The following DNAH2 variants were observed in gnomAD, a reference collection of about 807,000 sequenced individuals.
DNAH2 encodes the protein dynein axonemal heavy chain 2, also known as axonemal beta dynein heavy chain 2.
Under a neutral mutation model 523.5 loss-of-function variants are expected in DNAH2, and 323 were observed. The observed-to-expected ratio is 0.62, with a 90% CI of 0.56 to 0.68. The LOEUF is 0.68. DNAH2 is among the 30% of genes least tolerant of loss of function. The probability of loss-of-function intolerance (pLI) is 0.00; values close to 1 mark genes in which losing one functional copy is unlikely to be tolerated. For missense variants in DNAH2, 4,907 were observed against 5,701.5 expected, an observed-to-expected ratio of 0.86 and a Z score of 4.49; for synonymous variants, 2,093 against 2,177.4, an observed-to-expected ratio of 0.96 and a Z score of 1.08.
In DNAH2 at chr17:7,776,153, A is replaced by C. The variant is rs1245211255; in HGVS notation, c.4947+4A>C. On this transcript the variant is annotated splice_donor_region_variant and intron_variant, in intron 31 of 85. Transcript: ENST00000572933. ...GGTGAAGGAGTGGGCTGGCCAGGTG[A>C]GCTGGGGTCAACAGAAGTGAGGGAA... 6.2e-6 allele frequency: 10 copies of C among 1,612,944 alleles called. No homozygotes were observed. The highest frequency in any genetic ancestry group is 8.5e-6 in the Non-Finnish European group (10 of 1,179,500).
At position 7,794,316 on chromosome 17, in the gene DNAH2, G is replaced by T; in HGVS notation, c.7632G>T (p.Arg2544Ser). The T allele has an allele frequency of 1.2e-6, 2 of 1,610,400 alleles. No homozygotes were observed. The highest frequency in any genetic ancestry group is 1.7e-6 in the Non-Finnish European group (2 of 1,178,506). Reference sequence around the variant, plus strand: ...GTGGACGGACTGTCATCTCCCCAAGGCTACGGAGTCGCTTCAACATTATCA... The same window carrying T: ...GTGGACGGACTGTCATCTCCCCAAGTCTACGGAGTCGCTTCAACATTATCA... Reference protein sequence around the residue: ...PGGGRTVISPRLRSRFNIINM... With the variant: ...PGGGRTVISPSLRSRFNIINM... Residue 2544 changes from arginine to serine, a missense_variant, in exon 49 of 86, where the codon AGG becomes AGT. Around this residue, in one of 3 missense-constraint regions of DNAH2, gnomAD observed 250 missense variants for 371.3 expected, o/e 0.67. Transcript: ENST00000572933.
intron 12 of DNAH2, among the ~76,000 whole-genome samples, chr17:7,748,345 C>G (rs926085416): frequency 6.6e-6 from 1 of 152,114 alleles, no homozygotes; most frequent in African/African-American, 2.4e-5. Flanking sequence ...CTTTTTTCCC[C>G]GGTCACAGAG....
In DNAH2 at chr17:7,764,236, C is replaced by T. The variant is rs146533727; in HGVS notation, c.3299C>T (p.Ala1100Val). Reference protein sequence around the residue: ...TQIPPIHEQFAILEKYEVPVE... With the variant: ...TQIPPIHEQFVILEKYEVPVE... ...ATCCCTCCCATACACGAGCAATTTG[C>T]CATTCTTGAAAAGTACGAGGTGCCA... is the stretch of plus-strand genomic sequence containing the variant. Residue 1100 changes from alanine (A) to valine (V), a missense_variant, in exon 20 of 86, where the codon GCC (alanine) becomes GTC (valine). Ala to Val is a moderately conservative substitution (Grantham distance 64). Coordinates refer to ENST00000572933, the MANE Select transcript of DNAH2 (RefSeq NM_020877.5). 2.2e-3 allele frequency: 3,490 copies of T among 1,613,172 alleles called. 12 individuals carry two copies. Among genetic ancestry groups the T allele is most frequent in the Middle Eastern group, 2.8e-3 (17 of 6,052 alleles).
Position 7,817,888 on chromosome 17 carries a change from C to CT in DNAH2, c.10236+32_10236+33insT, listed in dbSNP as rs1355374673. 5.6e-6 allele frequency: 9 copies of CT among 1,613,910 alleles called. No homozygotes were observed. In the African/African-American group the frequency reaches 1.1e-4, roughly 19 times the overall value. On this transcript the variant is annotated intron_variant, in intron 67 of 85. Transcript: ENST00000572933. ...GGCTGGGGGGTCAGGTTAGCCCCCC[C>CT]CTTCCTGAGGCCCCACCTCTCCCGT...
At chr17:7,733,479 T>C (rs1439715416) in intron 5 of DNAH2, among the ~76,000 whole-genome samples, 164 bp downstream of exon 5, 3 of 145,412 alleles carry the variant, frequency 2.1e-5, no homozygotes, top group African/African-American at 7.6e-5. Flanking sequence ...CTTCTTCTTT[T>C]TTTTTTTTTT....
chr17:7,812,548 G>A (rs2077544782), intron 63 of DNAH2, among the ~76,000 whole-genome samples: 1 of 151,956 alleles, frequency 6.6e-6, no homozygotes, highest in African/African-American at 2.4e-5. Context: ...AGCCCAGAAG[G>A]TTGAGGGTGC....
chr17:7,819,181 C>A (rs768924986), intron 71 of DNAH2, 28 bp from the exon 72 acceptor site: 120 of 1,611,352 alleles, frequency 7.4e-5, no homozygotes, highest in Non-Finnish European at 9.9e-5. Context: ...CCCTCAGTGG[C>A]CCTGACTCCA....
intron 63 of DNAH2, among the ~76,000 whole-genome samples, chr17:7,809,465 C>A (rs1034736013): frequency 6.6e-6 from 1 of 152,168 alleles, no homozygotes; most frequent in East Asian, 1.9e-4. Flanking sequence ...TGCTCCTCCA[C>A]GGCTCCGTCC....
At chr17:7,727,391 C>T (rs751274968) in intron 4 of DNAH2, 99 bp downstream of exon 4, 58 of 1,462,146 alleles carry the variant, frequency 4.0e-5, no homozygotes, top group African/African-American at 5.9e-5. Context: ...CCTGTGCCCA[C>T]GGCCTATTGA....
chr17:7,782,753 G>A (rs1217873276), intron 39 of DNAH2, among the ~76,000 whole-genome samples: 1 of 152,002 alleles, frequency 6.6e-6, no homozygotes, highest in Non-Finnish European at 1.5e-5. Context: ...ATCACTTTAG[G>A]CTAGGAGTTC....
In DNAH2 at chr17:7,771,505, G is replaced by A. The variant is rs76591000; in HGVS notation, c.4501+37G>A. On this transcript the variant is annotated intron_variant, in intron 28 of 85. Coordinates refer to ENST00000572933, the MANE Select transcript of DNAH2 (RefSeq NM_020877.5). ...AGGGCTCCTGCCCTGACACAGCCTCGGCAGGCACTCTGCTTGGTCATGGTT... is the reference window on the plus strand; with the variant it reads ...AGGGCTCCTGCCCTGACACAGCCTCAGCAGGCACTCTGCTTGGTCATGGTT... The A allele has an allele frequency of 6.1e-4, 984 of 1,610,808 alleles. 11 individuals are homozygous for A. The East Asian group carries it at 0.016, about 26-fold the overall frequency.
chr17:7,808,998 A>G (rs941965888), intron 63 of DNAH2, among the ~76,000 whole-genome samples: 2 of 152,194 alleles, frequency 1.3e-5, no homozygotes, highest in African/African-American at 4.8e-5. Context: ...CCACTGCATG[A>G]TATTCCAGTG....
At chr17:7,723,155 A>G (rs1448135988) in intron 2 of DNAH2, among the ~76,000 whole-genome samples, 1 of 149,646 alleles carries the variant, frequency 6.7e-6, no homozygotes, top group Non-Finnish European at 1.5e-5. Context: ...ATTTTTTAGT[A>G]GAGACGGGGT....
intron 63 of DNAH2, among the ~76,000 whole-genome samples, chr17:7,811,103 AT>A (rs924700181): frequency 1.9e-4 from 29 of 152,240 alleles, no homozygotes; most frequent in African/African-American, 6.5e-4. Flanking sequence ...TTATGTCTTA[AT>A]CTACTTTAGG....
At chr17:7,816,137 C>A (rs2077658847) in intron 63 of DNAH2, among the ~76,000 whole-genome samples, 1 of 152,146 alleles carries the variant, frequency 6.6e-6, no homozygotes, top group Non-Finnish European at 1.5e-5. Context: ...TCTAACAGCT[C>A]TTGGGTTCAT....
chr17:7,798,416 A>C lies in DNAH2; in HGVS notation c.8398+92A>C. 6.5e-7 allele frequency: 1 copy of C among 1,534,638 alleles called. No individual in the cohort carries two copies. Among genetic ancestry groups the C allele is most frequent in the Non-Finnish European group, 8.8e-7 (1 of 1,137,470 alleles). ...GAGGAGAGATGGCAGCCAGATGGGC[A>C]GACGTGTCTGGCCCGTGTTGGGTGT... is the stretch of plus-strand genomic sequence containing the variant. On this transcript the variant is annotated intron_variant, in intron 54 of 85. Coordinates refer to ENST00000572933, the MANE Select transcript of DNAH2 (RefSeq NM_020877.5). The surrounding 1 kb of genome is among the most constrained non-coding windows in gnomAD (Gnocchi z 5.5).
At chr17:7,737,427 G>C (rs1449761517) in intron 8 of DNAH2, among the ~76,000 whole-genome samples, 169 bp downstream of exon 8, 3 of 152,232 alleles carry the variant, frequency 2.0e-5, no homozygotes, top group Non-Finnish European at 4.4e-5. Flanking sequence ...CTGCTTTAGG[G>C]TTGCTCAGCA....
rs551550032 is a variant in DNAH2, at chr17:7,798,801, GCCACTGGCACACCC to G, written c.8559+90_8559+103del. 382 of 1,520,154 alleles carry G rather than the reference GCCACTGGCACACCC, an allele frequency of 2.5e-4. No individual in the cohort carries two copies. In the African/African-American group the frequency reaches 3.3e-3, roughly 13 times the overall value. 94.2% of individuals were successfully genotyped at this position (1,520,154 alleles called of 1,614,324 possible). ...AGAAGGACCACAGCTCCCAGAATGT[GCCACTGGCACACCC>G]CCACTGCCACACCCCCACTGCCCAC... On this transcript the variant is annotated intron_variant, in intron 55 of 85. Transcript: ENST00000572933. This position sits in a 1 kb window ranked among gnomAD's most constrained non-coding sequence, Gnocchi z 5.5.
At position 7,718,447 on chromosome 17, in the gene DNAH2, T is replaced by C. The variant is rs2074487867; in HGVS notation, c.-367T>C. 6.6e-6 allele frequency: 1 copy of C among 152,210 alleles called. No homozygotes were observed. The highest frequency in any genetic ancestry group is 1.5e-5 in the Non-Finnish European group (1 of 68,032). 9.4% of individuals were successfully genotyped at this position (152,210 alleles called of 1,614,324 possible). Reference sequence around the variant, plus strand: ...GAGGAAGGAGAGCCACAGGTGCCGTTAGGCTGCAGCCTAATGAAAAGAGAG... The same window carrying C: ...GAGGAAGGAGAGCCACAGGTGCCGTCAGGCTGCAGCCTAATGAAAAGAGAG... On this transcript the variant is annotated 5_prime_UTR_variant, in exon 1 of 86. It removes the in-frame stop codon of an upstream open reading frame in the 5' UTR. Coordinates refer to ENST00000572933, the MANE Select transcript of DNAH2 (RefSeq NM_020877.5).
Sources: allele counts gnomAD v4.1 joint callset (sites outside exome capture counted in the v4.1 genomes callset), GRCh38; gene constraint gnomAD v4.1.1; regional missense constraint gnomAD v4.1.1; non-coding constraint Gnocchi (gnomAD v3.1); transcripts MANE v1.5; gene names NCBI Gene and HGNC (gene_info 2026-07-23, HGNC 2026-07-21).